ADCY5: variants seen among roughly 807,000 people sequenced by gnomAD.
ADCY5 encodes the protein adenylate cyclase type 5.
Under a neutral mutation model 119.7 loss-of-function variants are expected in ADCY5, and 30 were observed. The ratio of observed to expected loss-of-function variants is 0.25; its 90% confidence interval spans 0.19 to 0.34. The LOEUF (loss-of-function observed/expected upper bound fraction) is 0.34, where lower values mean the gene tolerates loss of function less well. Ranked by LOEUF, ADCY5 falls within the 10% of genes least tolerant of loss-of-function variation. ADCY5 has a pLI of 1.00. For missense variants in ADCY5, 1,324 were observed against 1,775.2 expected (o/e 0.75, Z 4.57); for synonymous variants, 753 against 762.2 (o/e 0.99, Z 0.20).
intron 1 of ADCY5, among the ~76,000 whole-genome samples, chr3:123,384,400 G>A (rs577228233): frequency 1.0e-3 from 152 of 152,264 alleles, no homozygotes; most frequent in African/African-American, 3.4e-3. Context: ...GAGTCGCCCT[G>A]GGTCAGGGCG....
At chr3:123,411,599 C>G (rs1945049455) in intron 1 of ADCY5, among the ~76,000 whole-genome samples, 1 of 152,198 alleles carries the variant, frequency 6.6e-6, no homozygotes, top group Non-Finnish European at 1.5e-5. Context: ...CCCCAACCCC[C>G]AGCCAGCAAC....
chr3:123,303,026 C>A (rs1307605824), intron 14 of ADCY5, 29 bp downstream of exon 14: 12 of 1,609,896 alleles, frequency 7.5e-6, no homozygotes, highest in Non-Finnish European at 1.0e-5. Context: ...CTCTTCAGCA[C>A]TCCCTTCCAG....
chr3:123,329,518 A>C (rs1250876138), intron 5 of ADCY5, among the ~76,000 whole-genome samples: 5 of 152,180 alleles, frequency 3.3e-5, no homozygotes, highest in Admixed American at 3.3e-4. Flanking sequence ...GAAGCCATAC[A>C]TCTCCAGGTG....
chr3:123,403,745 CT>C (rs1222929133), intron 1 of ADCY5, among the ~76,000 whole-genome samples: 3 of 152,208 alleles, frequency 2.0e-5, no homozygotes, highest in Non-Finnish European at 4.4e-5. Context: ...CTGAGTTGGG[CT>C]TTCCCAGCCC....
chr3:123,310,103 T>TAC (rs60966110), intron 12 of ADCY5, among the ~76,000 whole-genome samples: 33,692 of 120,954 alleles, frequency 0.28, 5,260 homozygotes, highest in Non-Finnish European at 0.35. Flanking sequence ...GAGAGAGATT[T>TAC]ACACACACAC....
chr3:123,366,694 A>G (rs1943453431), intron 1 of ADCY5, among the ~76,000 whole-genome samples: 2 of 152,344 alleles, frequency 1.3e-5, no homozygotes, highest in South Asian at 4.1e-4. Context: ...CATCCTCAAG[A>G]GCAATGAATG....
chr3:123,343,313 T>G (rs7644532), intron 3 of ADCY5, among the ~76,000 whole-genome samples: 151,973 of 152,308 alleles, frequency 1, 75,822 homozygotes, highest in Middle Eastern at 1. Flanking sequence ...TGAGGCAGAG[T>G]TCACACACTA....
chr3:123,301,652 TGAG>T (rs1559787996), intron 14 of ADCY5, among the ~76,000 whole-genome samples: 1 of 152,166 alleles, frequency 6.6e-6, no homozygotes, highest in Non-Finnish European at 1.5e-5. Flanking sequence ...CTCCCACAAA[TGAG>T]GAGCCAGGAC....
intron 12 of ADCY5, among the ~76,000 whole-genome samples, chr3:123,307,129 G>C (rs897834389): frequency 6.6e-6 from 1 of 152,064 alleles, no homozygotes; most frequent in Non-Finnish European, 1.5e-5. Flanking sequence ...GTTTCTTCTG[G>C]GGATGACAAC....
chr3:123,313,611 G>A (rs1940709959), intron 12 of ADCY5, among the ~76,000 whole-genome samples: 1 of 152,180 alleles, frequency 6.6e-6, no homozygotes, highest in Non-Finnish European at 1.5e-5. Flanking sequence ...AGACCAGAGT[G>A]ACCCAGAGCC....
rs370877590 is a variant in ADCY5 at position 123,289,882 on chromosome 3, C to T, written c.3400G>A (p.Gly1134Ser). 4 of 1,614,208 alleles carry T rather than the reference C, an allele frequency of 2.5e-6. No individual in the cohort carries two copies. The highest frequency in any genetic ancestry group is 1.7e-5 in the Admixed American group (1 of 60,026). The change falls in exon 19 of 21, where the codon GGC (glycine) becomes AGC (serine). Residue 1134 changes from glycine (G) to serine (S), a missense_variant. Gly to Ser is a moderately conservative substitution (Grantham distance 56). Around this residue, in one of 6 missense-constraint regions of ADCY5, gnomAD observed 178 missense variants for 329.6 expected, o/e 0.54. Coordinates refer to ENST00000462833, the MANE Select transcript of ADCY5 (RefSeq NM_183357.3). ...TIGSTYMAAS[G>S]LNDSTYDKVG... is the part of the protein sequence containing the mutation. Reference sequence around the variant, plus strand: ...TTGTCGTAGGTAGAGTCGTTGAGGCCGGAGGCAGCCATGTAGGTGCTGCCG... The same window carrying T: ...TTGTCGTAGGTAGAGTCGTTGAGGCTGGAGGCAGCCATGTAGGTGCTGCCG...
intron 7 of ADCY5, among the ~76,000 whole-genome samples, chr3:123,325,893 G>A (rs77094369): frequency 0.011 from 1,686 of 152,352 alleles, 17 homozygotes; most frequent in Non-Finnish European, 0.018. Flanking sequence ...CTGTGGGGCA[G>A]GGTGATCAGC....
intron 1 of ADCY5, among the ~76,000 whole-genome samples, chr3:123,414,972 G>T (rs899194626): frequency 2.6e-5 from 4 of 152,166 alleles, no homozygotes; most frequent in Admixed American, 2.6e-4. Context: ...CCAGAAGCAG[G>T]ATTTGAACAT....
chr3:123,347,014 C>T (rs935766834), intron 3 of ADCY5, among the ~76,000 whole-genome samples: 2 of 152,284 alleles, frequency 1.3e-5, no homozygotes, highest in South Asian at 2.1e-4. Flanking sequence ...GTGAAAGGAG[C>T]GTGGGCTCTG....
chr3:123,413,580 A>G (rs918095374), intron 1 of ADCY5, among the ~76,000 whole-genome samples: 2 of 152,226 alleles, frequency 1.3e-5, no homozygotes, highest in Middle Eastern at 3.2e-3. Context: ...CAAATCCCAG[A>G]GCAGTGAGGC....
intron 1 of ADCY5, among the ~76,000 whole-genome samples, chr3:123,437,355 C>T (rs1372757874): frequency 6.6e-6 from 1 of 152,134 alleles, no homozygotes; most frequent in African/African-American, 2.4e-5. Flanking sequence ...CCAGAGAAAG[C>T]CCTCAGGTTC....
At chr3:123,400,002 C>T (rs914326003) in intron 1 of ADCY5, among the ~76,000 whole-genome samples, 3 of 152,152 alleles carry the variant, frequency 2.0e-5, no homozygotes, top group African/African-American at 4.8e-5. Context: ...TTCCATTCCA[C>T]GCATGCAGTA....
At chr3:123,426,314 G>GTTTTTTTTTT (rs10663844) in intron 1 of ADCY5, among the ~76,000 whole-genome samples, 1 of 142,848 alleles carries the variant, frequency 7.0e-6, no homozygotes. Flanking sequence ...TTTTTTGTTT[G>GTTTTTTTTTT]TTTTTGTTTG....
intron 1 of ADCY5, among the ~76,000 whole-genome samples, chr3:123,378,436 A>T (rs1943919244): frequency 1.3e-5 from 2 of 151,966 alleles, no homozygotes; most frequent in South Asian, 4.1e-4. Context: ...CAAGTTGCAG[A>T]GAAGGCTCAA....
Sources: allele counts gnomAD v4.1 joint callset (sites outside exome capture counted in the v4.1 genomes callset), GRCh38; gene constraint gnomAD v4.1.1; regional missense constraint gnomAD v4.1.1; transcripts MANE v1.5; gene names NCBI Gene and HGNC (gene_info 2026-07-23, HGNC 2026-07-21).